The following COBL variants were observed in gnomAD, a reference collection of about 807,000 sequenced individuals.
The protein encoded by COBL is cordon-bleu WH2 repeat protein.
Under a neutral mutation model 98.8 loss-of-function variants are expected in COBL, and 51 were observed. The observed-to-expected ratio is 0.52, with a 90% CI of 0.41 to 0.65. The LOEUF (loss-of-function observed/expected upper bound fraction) is 0.65. COBL is among the 30% of genes least tolerant of loss of function. The pLI is 0.00. For synonymous variants in COBL, 634 were observed against 651.7 expected (o/e 0.97, Z 0.41); for missense variants, 1,617 against 1,617.5 (o/e 1.00, Z 0.01).
At chr7:51,263,762 G>T (rs1308481184) in intron 1 of COBL, among the ~76,000 whole-genome samples, 4 of 152,200 alleles carry the variant, frequency 2.6e-5, no homozygotes, top group Non-Finnish European at 5.9e-5. Context: ...GGTTTTATTG[G>T]ATTGTGCTGC....
chr7:51,026,146 G>T (rs1017294283), intron 11 of COBL, among the ~76,000 whole-genome samples: 1 of 152,188 alleles, frequency 6.6e-6, no homozygotes, highest in African/African-American at 2.4e-5. Context: ...GGCTCCCAAG[G>T]ATGTGCAAAA....
At chr7:51,306,266 C>T (rs1802465364) in intron 1 of COBL, among the ~76,000 whole-genome samples, 1 of 152,134 alleles carries the variant, frequency 6.6e-6, no homozygotes, top group African/African-American at 2.4e-5. Flanking sequence ...AGCCCCGATA[C>T]TGACTAGCAC....
At chr7:51,156,656 T>C (rs1786159549) in intron 5 of COBL, 1 of 875,688 alleles carries the variant, frequency 1.1e-6, no homozygotes, top group South Asian at 5.3e-5. Flanking sequence ...AGGCTATTTT[T>C]AAACACACAT....
intron 7 of COBL, among the ~76,000 whole-genome samples, chr7:51,048,796 T>C (rs1484482867): frequency 1.3e-5 from 2 of 152,232 alleles, no homozygotes; most frequent in South Asian, 2.1e-4. Flanking sequence ...TAAATGTTCT[T>C]AGAAACTTTG....
intron 2 of COBL, among the ~76,000 whole-genome samples, chr7:51,204,976 C>G (rs1791532266): frequency 6.6e-6 from 1 of 152,158 alleles, no homozygotes; most frequent in Admixed American, 6.5e-5. Flanking sequence ...GATTGGTACA[C>G]TGAACATTAT....
At chr7:51,181,893 T>C (rs1359067455) in intron 5 of COBL, among the ~76,000 whole-genome samples, 2 of 152,226 alleles carry the variant, frequency 1.3e-5, no homozygotes, top group Non-Finnish European at 2.9e-5. Flanking sequence ...CGGGACTGGA[T>C]CACTGACTGC....
At chr7:51,144,682 T>C (rs565029107) in intron 5 of COBL, among the ~76,000 whole-genome samples, 18 of 152,290 alleles carry the variant, frequency 1.2e-4, no homozygotes, top group Non-Finnish European at 2.1e-4. Context: ...CTTGTACCCA[T>C]TAAGCAGACA....
intron 12 of COBL, among the ~76,000 whole-genome samples, chr7:51,017,982 C>A (rs1786450653): frequency 1.3e-5 from 2 of 152,202 alleles, no homozygotes; most frequent in African/African-American, 4.8e-5. Flanking sequence ...TCAGTTTCTT[C>A]ATCTTTATAT....
At chr7:51,036,336 CAAAAAAAAAA>C (rs59610375) in intron 8 of COBL, among the ~76,000 whole-genome samples, 3 of 94,210 alleles carry the variant, frequency 3.2e-5, no homozygotes, top group African/African-American at 1.3e-4. Context: ...GACTCCGTCT[CAAAAAAAAAA>C]AAAAAAAAAA....
chr7:51,164,142 GTTTT>G (rs1379145467), intron 5 of COBL, among the ~76,000 whole-genome samples: 1 of 151,856 alleles, frequency 6.6e-6, no homozygotes, highest in East Asian at 1.9e-4. Flanking sequence ...ATTCAAGAGG[GTTTT>G]TTGTTTGTTT....
At chr7:51,259,255 C>T (rs1797489424) in intron 1 of COBL, among the ~76,000 whole-genome samples, 4 of 150,246 alleles carry the variant, frequency 2.7e-5, no homozygotes, top group South Asian at 4.3e-4. Context: ...CAACCGCACT[C>T]CAGGCTGGGG....
At chr7:51,236,534 T>TA (rs1381949667) in intron 1 of COBL, among the ~76,000 whole-genome samples, 1 of 152,116 alleles carries the variant, frequency 6.6e-6, no homozygotes, top group Non-Finnish European at 1.5e-5. Flanking sequence ...ACTGGAAACT[T>TA]ACACTTTTTA....
chr7:51,222,407 C>T (rs931532880), intron 1 of COBL, among the ~76,000 whole-genome samples: 2 of 152,012 alleles, frequency 1.3e-5, no homozygotes, highest in African/African-American at 4.8e-5. Context: ...TATTCAATTC[C>T]TCAGTATACC....
At chr7:51,042,816 A>C (rs561020447) in intron 8 of COBL, among the ~76,000 whole-genome samples, 1 of 152,364 alleles carries the variant, frequency 6.6e-6, no homozygotes, top group East Asian at 1.9e-4. Flanking sequence ...TGACGCCTAC[A>C]TGCTGGCAAA....
chr7:51,187,310 G>GTATATATATA lies in COBL; in HGVS notation c.686-3121_686-3112dup, dbSNP rs67807746. 2.6e-3 allele frequency among the ~76,000 whole-genome samples: 362 copies of GTATATATATA among 138,296 alleles called. 1 individual carries two copies. Among genetic ancestry groups the GTATATATATA allele is most frequent in the Middle Eastern group, 0.02 (5 of 252 alleles). The allele number at this position is 138,296 out of a possible 152,430, so 90.7% of individuals were successfully genotyped here. On this transcript the variant is annotated intron_variant, in intron 4 of 12. Transcript: ENST00000265136. ...TATATACATATATGTATATGTTTAAGTATATATATATATATATATATACAC... is the reference window on the plus strand; with the variant it reads ...TATATACATATATGTATATGTTTAAGTATATATATATATATATATATATATATATATACAC...
In COBL at chr7:51,062,079, TAAA is replaced by T. The variant is rs1791438301; in HGVS notation, c.1097-18390_1097-18388del. Among the ~76,000 whole-genome samples the T allele has an allele frequency of 3.9e-5, 6 of 152,284 alleles. 1 individual carries two copies. In the East Asian group the frequency reaches 1.2e-3, roughly 29 times the overall value. ...ATTAGGGCTAAACAGTAGGGAGGGT[TAAA>T]ATAGGCCTAATTTTAAGAAAATCTT... On this transcript the variant is annotated intron_variant, in intron 7 of 12. Transcript: ENST00000265136.
chr7:51,201,647 C>T (rs1791141373), intron 2 of COBL, among the ~76,000 whole-genome samples: 2 of 152,090 alleles, frequency 1.3e-5, no homozygotes, highest in Admixed American at 6.5e-5. Flanking sequence ...CATCTAATAT[C>T]AGAAGAATAC....
At chr7:51,027,670 G>T in intron 10 of COBL, 42 bp downstream of exon 10, 1 of 1,496,124 alleles carries the variant, frequency 6.7e-7, no homozygotes, top group Non-Finnish European at 9.2e-7. Context: ...GCACTGAAGT[G>T]GGCAGGTGTG....
intron 1 of COBL, among the ~76,000 whole-genome samples, chr7:51,229,401 G>T (rs1011313064): frequency 6.6e-6 from 1 of 152,214 alleles, no homozygotes; most frequent in Non-Finnish European, 1.5e-5. Flanking sequence ...GAATGAGACC[G>T]CGAGAGTTGT....
Sources: gnomAD v4.1 joint callset for allele counts (sites outside exome capture counted in the v4.1 genomes callset) on GRCh38, gnomAD v4.1.1 for gene constraint, MANE v1.5 for transcripts, NCBI Gene and HGNC (gene_info 2026-07-23, HGNC 2026-07-21) for gene names.